Variants in ZNF804B observed in about 807,000 individuals in gnomAD.
ZNF804B encodes zinc finger protein 804B, also known as zinc finger 804B.
In ZNF804B, 80 loss-of-function variants were observed where a neutral mutation model predicts 101.4. That is an observed-to-expected ratio of 0.79 (90% CI 0.66 to 0.95). The LOEUF is 0.95. Ranked by LOEUF, ZNF804B falls within the 40% of genes least tolerant of loss-of-function variation. ZNF804B has a pLI of 0.00. For missense variants in ZNF804B, 1,673 were observed against 1,561.9 expected, an observed-to-expected ratio of 1.07 and a Z score of -1.20; for synonymous variants, 622 against 558.8, an observed-to-expected ratio of 1.11 and a Z score of -1.59.
intron 1 of ZNF804B, among the ~76,000 whole-genome samples, chr7:88,834,707 A>G (rs1395573727): frequency 2.0e-5 from 3 of 151,654 alleles, no homozygotes; most frequent in African/African-American, 4.8e-5. Flanking sequence ...TTTGAACAAA[A>G]CATCACCTTA....
chr7:89,336,712 A>T lies in ZNF804B; in HGVS notation c.3730A>T (p.Ser1244Cys). The T allele has an allele frequency of 6.2e-7, 1 of 1,614,052 alleles. No individual in the cohort carries two copies. Among genetic ancestry groups the T allele is most frequent in the African/African-American group, 1.3e-5 (1 of 75,008 alleles). The change falls in exon 4 of 4, where the codon AGT (serine) becomes TGT (cysteine). Residue 1244 changes from serine to cysteine, a missense_variant. Ser to Cys is a moderately radical substitution (Grantham distance 112). Coordinates refer to ENST00000333190, the MANE Select transcript of ZNF804B (RefSeq NM_181646.5). The part of the protein sequence containing the change: ...HLHPLSQAHF[S>C]PISFSTLTPT... ...ACATCCTCTTTCACAGGCACATTTCAGTCCTATTTCATTTTCGACTCTGAC... is the reference window on the plus strand; with the variant it reads ...ACATCCTCTTTCACAGGCACATTTCTGTCCTATTTCATTTTCGACTCTGAC...
chr7:88,990,471 C>A (rs1251840356), intron 1 of ZNF804B, among the ~76,000 whole-genome samples: 1 of 151,944 alleles, frequency 6.6e-6, no homozygotes, highest in Non-Finnish European at 1.5e-5. Flanking sequence ...CTCCACCAAT[C>A]CTTTGAGTTA....
intron 1 of ZNF804B, among the ~76,000 whole-genome samples, chr7:88,892,681 A>G (rs888056675): frequency 2.6e-5 from 4 of 152,124 alleles, no homozygotes; most frequent in Non-Finnish European, 5.9e-5. Flanking sequence ...TTCTTTCAAT[A>G]TCAACTTCTC....
intron 1 of ZNF804B, among the ~76,000 whole-genome samples, chr7:88,796,439 C>A (rs1373854668): frequency 3.3e-5 from 5 of 152,148 alleles, no homozygotes; most frequent in Non-Finnish European, 5.9e-5. Context: ...GCAATACAAT[C>A]TTTCCGAAGA....
At chr7:88,804,084 T>C (rs1351844639) in intron 1 of ZNF804B, among the ~76,000 whole-genome samples, 1 of 152,122 alleles carries the variant, frequency 6.6e-6, no homozygotes. Flanking sequence ...CCATTTAATA[T>C]TGGCAATTAC....
intron 1 of ZNF804B, among the ~76,000 whole-genome samples, chr7:88,975,428 C>A (rs1793602829): frequency 6.6e-6 from 1 of 151,088 alleles, no homozygotes; most frequent in African/African-American, 2.4e-5. Flanking sequence ...TTCGCACATC[C>A]TCACCAATAT....
At chr7:89,092,544 C>G (rs1334239836) in intron 1 of ZNF804B, among the ~76,000 whole-genome samples, 3 of 150,842 alleles carry the variant, frequency 2.0e-5, no homozygotes, top group Admixed American at 1.3e-4. Context: ...TCCCGAGCAA[C>G]TGGGACTACA....
At chr7:88,894,942 A>C (rs551957396) in intron 1 of ZNF804B, among the ~76,000 whole-genome samples, 1 of 152,262 alleles carries the variant, frequency 6.6e-6, no homozygotes, top group South Asian at 2.1e-4. Flanking sequence ...ATGCATTTTT[A>C]AAAACTTCTA....
rs150383025 is a variant in ZNF804B, at chr7:89,228,927, C to T, written c.249+10632C>T. On this transcript the variant is annotated intron_variant, in intron 2 of 3. Coordinates refer to ENST00000333190, the MANE Select transcript of ZNF804B (RefSeq NM_181646.5). The stretch of plus-strand genomic sequence containing the variant: ...GGAGCCCTGCCCCGCGGGAAGGCAG[C>T]TAAGGCCGGGGGAGAAATTGAGCAC... Among the ~76,000 whole-genome samples the T allele has an allele frequency of 8.6e-3, 1,312 of 152,290 alleles. 21 individuals carry two copies. The highest frequency in any genetic ancestry group is 0.029 in the African/African-American group (1,210 of 41,584).
chr7:89,230,493 A>G (rs1312498144), intron 2 of ZNF804B, among the ~76,000 whole-genome samples: 1 of 152,146 alleles, frequency 6.6e-6, no homozygotes, highest in Non-Finnish European at 1.5e-5. Context: ...TTGGTGAGCT[A>G]ACACGATCCA....
chr7:89,335,956 G>T lies in ZNF804B; in HGVS notation c.2974G>T (p.Asp992Tyr). Residue 992 changes from aspartate to tyrosine, a missense_variant, in exon 4 of 4, where the codon GAT becomes TAT. Coordinates refer to ENST00000333190, the MANE Select transcript of ZNF804B (RefSeq NM_181646.5). ...ACAGTATGCAAGTGAGAGCAGAAAT[G>T]ATCAAGACAGTGCAATTCCAAGGAC... Reference protein sequence around the residue: ...KIQYASESRNDQDSAIPRTTE... With the variant: ...KIQYASESRNYQDSAIPRTTE... The T allele has an allele frequency of 6.2e-7, 1 of 1,614,038 alleles. No homozygotes were observed. Among genetic ancestry groups the T allele is most frequent in the Middle Eastern group, 1.7e-4 (1 of 6,060 alleles).
At chr7:88,832,831 A>G (rs1791153394) in intron 1 of ZNF804B, among the ~76,000 whole-genome samples, 1 of 151,990 alleles carries the variant, frequency 6.6e-6, no homozygotes, top group Admixed American at 6.6e-5. Flanking sequence ...ATACTGGCAC[A>G]GAAATCAACC....
intron 2 of ZNF804B, among the ~76,000 whole-genome samples, chr7:89,250,327 A>G (rs1315986745): frequency 6.6e-6 from 1 of 152,200 alleles, no homozygotes; most frequent in Non-Finnish European, 1.5e-5. Flanking sequence ...ACAAATTAGG[A>G]AATCTAGAGA....
At chr7:89,169,970 GA>G (rs1306046741) in intron 1 of ZNF804B, among the ~76,000 whole-genome samples, 1 of 152,120 alleles carries the variant, frequency 6.6e-6, no homozygotes, top group Non-Finnish European at 1.5e-5. Flanking sequence ...TAAGTTAAGA[GA>G]GATTTTACTG....
Position 89,002,589 on chromosome 7 carries a change from A to G in ZNF804B, c.109-215566A>G, listed in dbSNP as rs529022758. Among the ~76,000 whole-genome samples, 9 of 152,000 alleles carry G rather than the reference A, an allele frequency of 5.9e-5. No individual in the cohort carries two copies. In the East Asian group the frequency reaches 9.7e-4, roughly 16 times the overall value. ...AAAGGTGGCATTCTTTTTTATAACT[A>G]CTAGAGAAGGGGGTGGAATGTAGTC... is the stretch of plus-strand genomic sequence containing the variant. On this transcript the variant is annotated intron_variant, in intron 1 of 3. Transcript: ENST00000333190.
rs912441061 is a variant in ZNF804B, at chr7:89,143,531, A to G, written c.109-74624A>G. Among the ~76,000 whole-genome samples the G allele has an allele frequency of 5.9e-4, 90 of 152,046 alleles. 1 individual carries two copies. Among genetic ancestry groups the G allele is most frequent in the Non-Finnish European group, 1.2e-4 (8 of 67,974 alleles). Reference sequence around the variant, plus strand: ...TGCCACTTTGGGATTCATCTTCAACATCAACTTATCCTTTTTAAAATGAAT... The same window carrying G: ...TGCCACTTTGGGATTCATCTTCAACGTCAACTTATCCTTTTTAAAATGAAT... On this transcript the variant is annotated intron_variant, in intron 1 of 3. Coordinates refer to ENST00000333190, the MANE Select transcript of ZNF804B (RefSeq NM_181646.5).
chr7:89,034,909 T>G (rs1234515022), intron 1 of ZNF804B, among the ~76,000 whole-genome samples: 2 of 152,096 alleles, frequency 1.3e-5, no homozygotes, highest in Non-Finnish European at 2.9e-5. Flanking sequence ...CTCTCCAACA[T>G]CTGTTGTTTC....
At chr7:88,782,621 G>T (rs1040508310) in intron 1 of ZNF804B, among the ~76,000 whole-genome samples, 1 of 151,976 alleles carries the variant, frequency 6.6e-6, no homozygotes, top group Admixed American at 6.6e-5. Context: ...GATGCTTCTT[G>T]TAGAAACACA....
intron 2 of ZNF804B, among the ~76,000 whole-genome samples, chr7:89,276,782 A>G (rs73399184): frequency 0.029 from 4,416 of 151,948 alleles, 282 homozygotes; most frequent in African/African-American, 0.1. Flanking sequence ...TTTGTCAACT[A>G]TATCATTTTA....
Sources: gnomAD v4.1 joint callset for allele counts (sites outside exome capture counted in the v4.1 genomes callset) on GRCh38, gnomAD v4.1.1 for gene constraint, MANE v1.5 for transcripts, NCBI Gene and HGNC (gene_info 2026-07-23, HGNC 2026-07-21) for gene names.